BTD: variants seen among roughly 807,000 people sequenced by gnomAD.
BTD encodes the protein biotinidase, also known as biocytinase.
In BTD, 13 loss-of-function variants were observed where a neutral mutation model predicts 17.7. The ratio of observed to expected loss-of-function variants is 0.74; its 90% CI spans 0.48 to 1.17. The LOEUF is 1.17. Among genes scored for constraint, BTD ranks in the 50% most tolerant of loss-of-function variants. The pLI, the probability that BTD is intolerant of heterozygous loss-of-function variation, is 0.00. For missense variants in BTD, 674 were observed against 650.4 expected, an observed-to-expected ratio of 1.04 and a Z score of -0.39; for synonymous variants, 240 against 245.2, an observed-to-expected ratio of 0.98 and a Z score of 0.20.
At chr3:15,612,682 C>G (rs1450127895) in intron 1 of BTD, among the ~76,000 whole-genome samples, 2 of 143,698 alleles carry the variant, frequency 1.4e-5, no homozygotes, top group Non-Finnish European at 3.0e-5. Context: ...TCAATTACAT[C>G]TTTAATTTTT....
chr3:15,614,021 A>G (rs1279252656), intron 1 of BTD, among the ~76,000 whole-genome samples: 2 of 151,160 alleles, frequency 1.3e-5, no homozygotes, highest in Admixed American at 6.6e-5. Context: ...TCTTGAATCT[A>G]TGGATTTCTG....
chr3:15,655,523 A>T (rs1262759664), downstream of BTD, among the ~76,000 whole-genome samples: 1 of 152,310 alleles, frequency 6.6e-6, no homozygotes, highest in East Asian at 1.9e-4. Context: ...TACATAAAAA[A>T]TAAGAAGTGA....
chr3:15,697,032 A>G (rs1253875999), intron 3 of BTD, among the ~76,000 whole-genome samples: 1 of 152,202 alleles, frequency 6.6e-6, no homozygotes, highest in Non-Finnish European at 1.5e-5. Context: ...AATATGAAAC[A>G]AGTCTATTTA....
At chr3:15,678,088 A>G in intron 3 of BTD, 1 of 1,005,506 alleles carries the variant, frequency 9.9e-7, no homozygotes, top group South Asian at 1.9e-5. Flanking sequence ...GCAAACAGGT[A>G]AAAGGTTTTA....
chr3:15,675,130 C>T (rs541194164), intron 3 of BTD, among the ~76,000 whole-genome samples: 2 of 152,004 alleles, frequency 1.3e-5, no homozygotes, highest in African/African-American at 2.4e-5. Context: ...TTTAGCCAGG[C>T]GTCGTGGCAG....
Position 15,651,303 on chromosome 3 carries a change from G to A in BTD, c.*5815G>A, listed in dbSNP as rs1412264100. Among the ~76,000 whole-genome samples the A allele has an allele frequency of 1.3e-5, 2 of 152,342 alleles. No homozygotes were observed. The highest frequency in any genetic ancestry group is 1.3e-4 in the Admixed American group (2 of 15,310). On this transcript the variant is annotated 3_prime_UTR_variant, in exon 4 of 4. Transcript: ENST00000643237. The stretch of plus-strand genomic sequence containing the variant: ...GAAATTTCACTGTGATGCCAGTCAG[G>A]TATTGCTGCCGTAAGGGCCATAGCA...
chr3:15,622,447 A>G (rs2064973878), intron 1 of BTD, among the ~76,000 whole-genome samples: 1 of 152,124 alleles, frequency 6.6e-6, no homozygotes, highest in Admixed American at 6.5e-5. Context: ...TAAATCTGTT[A>G]AGTTGTGTTT....
chr3:15,698,323 C>G (rs534281583), intron 3 of BTD, among the ~76,000 whole-genome samples: 1 of 152,270 alleles, frequency 6.6e-6, no homozygotes, highest in African/African-American at 2.4e-5. Flanking sequence ...CCTTTGAAAA[C>G]TGGCACAAGA....
chr3:15,603,397 C>T (rs1233063812), intron 1 of BTD, among the ~76,000 whole-genome samples: 1 of 152,222 alleles, frequency 6.6e-6, no homozygotes. Flanking sequence ...GTGGCTCACA[C>T]CTGTAATCCC....
intron 3 of BTD, among the ~76,000 whole-genome samples, chr3:15,659,994 C>A (rs113907586): frequency 2.4e-4 from 36 of 152,336 alleles, no homozygotes; most frequent in African/African-American, 8.2e-4. Context: ...TCATTTAATT[C>A]TTCTCATAAA....
At chr3:15,678,479 G>T in intron 3 of BTD, 1 of 796,482 alleles carries the variant, frequency 1.3e-6, no homozygotes, top group Non-Finnish European at 1.8e-6. Flanking sequence ...AGCACTGCCT[G>T]TACACAAACA....
chr3:15,614,576 T>C (rs2064738286), intron 1 of BTD, among the ~76,000 whole-genome samples: 1 of 151,962 alleles, frequency 6.6e-6, no homozygotes, highest in Admixed American at 6.6e-5. Context: ...CTCCATTTGG[T>C]TTTATTTGAC....
intron 1 of BTD, chr3:15,630,126 T>A (rs2065169358): frequency 2.1e-6 from 2 of 975,380 alleles, no homozygotes; most frequent in Non-Finnish European, 2.4e-6. Flanking sequence ...GTGTGGTGAG[T>A]AAAAAACAGC....
At chr3:15,721,147 T>A in intron 4 of BTD, 1 of 1,591,284 alleles carries the variant, frequency 6.3e-7, no homozygotes, top group Non-Finnish European at 8.6e-7. Flanking sequence ...GGGAAAAAAA[T>A]GCGAATGTTA....
At chr3:15,653,811 G>T (rs186220736), downstream of BTD, among the ~76,000 whole-genome samples, 19 of 152,208 alleles carry the variant, frequency 1.2e-4, no homozygotes, top group African/African-American at 4.6e-4. Context: ...AAAAAATCAC[G>T]TGTGAAAGTT....
At chr3:15,621,190 A>C (rs1416078316) in intron 1 of BTD, among the ~76,000 whole-genome samples, 1 of 152,210 alleles carries the variant, frequency 6.6e-6, no homozygotes, top group Non-Finnish European at 1.5e-5. Context: ...TCACACACTC[A>C]TCTCCTCATG....
Position 15,645,131 on chromosome 3 carries a change from T to A in BTD, c.1215T>A (p.Tyr405Ter). 6.2e-7 allele frequency: 1 copy of A among 1,614,198 alleles called. No individual in the cohort carries two copies. The highest frequency in any genetic ancestry group is 8.5e-7 in the Non-Finnish European group (1 of 1,180,038). Residue 405 changes from tyrosine (Y) to a stop codon, truncating the protein, a stop_gained, in exon 4 of 4, where the codon TAT becomes TAA. Transcript: ENST00000643237. LOFTEE classifies it high-confidence loss of function. ...LHVCSNGLCC[Y>*]LLYERPTLSK... The stretch of plus-strand genomic sequence containing the variant: ...TCTGTTCCAATGGCCTCTGCTGTTA[T>A]TTACTTTACGAGAGGCCCACCTTAT...
chr3:15,679,546 C>T, intron 3 of BTD: 1 of 1,612,186 alleles, frequency 6.2e-7, no homozygotes, highest in South Asian at 1.1e-5. Flanking sequence ...AAAAGCAGTT[C>T]TACACATGTC....
At chr3:15,718,643 A>G (rs1472950660) in intron 4 of BTD, among the ~76,000 whole-genome samples, 1 of 151,830 alleles carries the variant, frequency 6.6e-6, no homozygotes, top group Non-Finnish European at 1.5e-5. Context: ...ATAAAACAGG[A>G]AGCCCAATCT....
Sources: gnomAD v4.1 joint callset for allele counts (sites outside exome capture counted in the v4.1 genomes callset) on GRCh38, gnomAD v4.1.1 for gene constraint, MANE v1.5 for transcripts, NCBI Gene and HGNC (gene_info 2026-07-23, HGNC 2026-07-21) for gene names.